Variants in GALM observed in about 807,000 individuals in gnomAD.
GALM encodes galactose mutarotase.
Under a neutral mutation model 37.4 loss-of-function variants are expected in GALM, and 43 were observed. The ratio of observed to expected loss-of-function variants is 1.15; its 90% CI spans 0.90 to 1.48. GALM has a LOEUF of 1.48. GALM is among the 40% of genes most tolerant of loss of function. The pLI is 0.00. For synonymous variants in GALM, 199 were observed against 170.6 expected (o/e 1.17, Z -1.30); for missense variants, 456 against 419.1 (o/e 1.09, Z -0.77).
At chr2:38,712,464 A>G (rs1413170622) in intron 4 of GALM, among the ~76,000 whole-genome samples, 1 of 152,286 alleles carries the variant, frequency 6.6e-6, no homozygotes, top group East Asian at 1.9e-4. Context: ...TCCATTCCAG[A>G]ATCCTTTCCA....
At chr2:38,715,042 G>A (rs1381515278) in intron 4 of GALM, among the ~76,000 whole-genome samples, 1 of 152,120 alleles carries the variant, frequency 6.6e-6, no homozygotes, top group African/African-American at 2.4e-5. Flanking sequence ...GAGTTCTTCA[G>A]GGTTGGGTGA....
At position 38,734,330 on chromosome 2, in the gene GALM, G is replaced by A; in HGVS notation, c.*765G>A. Reference sequence around the variant, plus strand: ...CGCTTGAACCTGGGAGGTGGAGGTTGCAGTGAGCCGAGATCATGCCACTGC... The same window carrying A: ...CGCTTGAACCTGGGAGGTGGAGGTTACAGTGAGCCGAGATCATGCCACTGC... On this transcript the variant is annotated 3_prime_UTR_variant, in exon 7 of 7. Transcript: ENST00000272252. The A allele has an allele frequency of 7.3e-6, 1 of 137,280 alleles. No homozygotes were observed. The highest frequency in any genetic ancestry group is 1.5e-5 in the Non-Finnish European group (1 of 67,196). 8.5% of individuals were successfully genotyped at this position (137,280 alleles called of 1,614,324 possible). A position where few individuals can be genotyped will look rare whatever the true frequency, so the allele number is the denominator to read the frequency against.
At chr2:38,686,401 G>A (rs1329040528) in intron 3 of GALM, among the ~76,000 whole-genome samples, 1 of 151,598 alleles carries the variant, frequency 6.6e-6, no homozygotes, top group Non-Finnish European at 1.5e-5. Context: ...GAGTAGCTGG[G>A]ACTACAGGCG....
At chr2:38,733,078 G>C (rs980340989) in intron 6 of GALM, among the ~76,000 whole-genome samples, 3 of 151,780 alleles carry the variant, frequency 2.0e-5, no homozygotes, top group Admixed American at 6.6e-5. Context: ...AAAATTATCT[G>C]GGCATGGTGG....
At chr2:38,683,318 C>T (rs1027045631) in intron 3 of GALM, among the ~76,000 whole-genome samples, 3 of 152,090 alleles carry the variant, frequency 2.0e-5, no homozygotes, top group South Asian at 4.1e-4. Flanking sequence ...TAGACCCCAC[C>T]CAAAAGCGCG....
intron 3 of GALM, among the ~76,000 whole-genome samples, chr2:38,684,474 A>T (rs1398085258): frequency 6.6e-6 from 1 of 152,026 alleles, no homozygotes; most frequent in Non-Finnish European, 1.5e-5. Context: ...GGAGTTCAAG[A>T]CCAGACCGGG....
At chr2:38,701,697 C>A (rs1190859768) in intron 4 of GALM, among the ~76,000 whole-genome samples, 1 of 152,130 alleles carries the variant, frequency 6.6e-6, no homozygotes, top group East Asian at 1.9e-4. Context: ...ACCTACAATT[C>A]GGCAGATGAT....
chr2:38,709,816 A>G (rs1467279068), intron 4 of GALM, among the ~76,000 whole-genome samples: 1 of 152,258 alleles, frequency 6.6e-6, no homozygotes, highest in Admixed American at 6.5e-5. Flanking sequence ...AAATAACAAC[A>G]GGCATTCTAG....
intron 4 of GALM, among the ~76,000 whole-genome samples, chr2:38,720,827 G>C (rs1407760449): frequency 3.3e-5 from 5 of 152,228 alleles, no homozygotes; most frequent in African/African-American, 1.2e-4. Context: ...CTTCCTTACA[G>C]TATGGTGGCA....
intron 4 of GALM, 88 bp from the exon 5 acceptor site, chr2:38,729,468 G>C: frequency 8.4e-7 from 1 of 1,189,494 alleles, no homozygotes; most frequent in Non-Finnish European, 1.2e-6. Flanking sequence ...AAGGCGGAGA[G>C]AGTAGAACCA....
chr2:38,728,564 A>C (rs936430700), intron 4 of GALM, among the ~76,000 whole-genome samples: 3 of 152,110 alleles, frequency 2.0e-5, no homozygotes, highest in African/African-American at 7.2e-5. Flanking sequence ...GTGCACCTGT[A>C]ATCCCAGCTA....
intron 5 of GALM, 144 bp downstream of exon 5, chr2:38,729,841 TC>T: frequency 1.5e-6 from 1 of 669,182 alleles, no homozygotes; most frequent in South Asian, 1.8e-5. Context: ...TTCTCAAAGC[TC>T]CCATGGCACA....
At chr2:38,731,227 A>AAAAC (rs1214716251) in intron 5 of GALM, among the ~76,000 whole-genome samples, 4 of 151,918 alleles carry the variant, frequency 2.6e-5, no homozygotes, top group Non-Finnish European at 4.4e-5. Context: ...ACTCCATCTC[A>AAAAC]AAACAAACAA....
chr2:38,693,205 G>A (rs763143157), intron 4 of GALM, among the ~76,000 whole-genome samples: 3 of 152,190 alleles, frequency 2.0e-5, no homozygotes, highest in Non-Finnish European at 4.4e-5. Context: ...AGACCAGGTC[G>A]GGTGCAGTGG....
intron 4 of GALM, among the ~76,000 whole-genome samples, chr2:38,717,253 GAA>G (rs796646285): frequency 3.2e-5 from 4 of 125,158 alleles, no homozygotes; most frequent in Admixed American, 8.3e-5. Context: ...TCCATCTCAA[GAA>G]AAAAAAAAAA....
chr2:38,673,971 T>A (rs950657008), intron 1 of GALM, among the ~76,000 whole-genome samples: 3 of 152,124 alleles, frequency 2.0e-5, no homozygotes, highest in Non-Finnish European at 4.4e-5. Context: ...ATATGGAATA[T>A]GTGTGTTTGT....
intron 4 of GALM, among the ~76,000 whole-genome samples, chr2:38,728,671 C>T (rs1279138470): frequency 6.9e-6 from 1 of 144,036 alleles, no homozygotes; most frequent in African/African-American, 2.6e-5. Context: ...GGTGACAGAG[C>T]AAGACTCCAT....
At chr2:38,707,771 A>G (rs1390031323) in intron 4 of GALM, among the ~76,000 whole-genome samples, 1 of 152,134 alleles carries the variant, frequency 6.6e-6, no homozygotes, top group Non-Finnish European at 1.5e-5. Context: ...ACTTGAGGCC[A>G]GGAGTTCAGG....
chr2:38,731,569 G>A (rs1666610771), intron 5 of GALM, among the ~76,000 whole-genome samples, 166 bp from the exon 6 acceptor site: 1 of 151,974 alleles, frequency 6.6e-6, no homozygotes, highest in African/African-American at 2.4e-5. Context: ...TTGCCTTTGA[G>A]ACTGGAAGAA....
Sources: allele counts gnomAD v4.1 joint callset (sites outside exome capture counted in the v4.1 genomes callset), GRCh38; gene constraint gnomAD v4.1.1; transcripts MANE v1.5; gene names NCBI Gene and HGNC (gene_info 2026-07-23, HGNC 2026-07-21).